The following NRDE2 variants were observed in gnomAD, a reference collection of about 807,000 sequenced individuals.
NRDE2 encodes nuclear exosome regulator NRDE2.
In NRDE2, 76 loss-of-function variants were observed where a neutral mutation model predicts 124.2. The observed-to-expected ratio is 0.61, with a 90% CI of 0.51 to 0.74. NRDE2 has a LOEUF of 0.74. NRDE2 is among the 30% of genes least tolerant of loss of function. NRDE2 has a pLI of 0.00. For missense variants in NRDE2, 1,314 were observed against 1,417.3 expected, an observed-to-expected ratio of 0.93 and a Z score of 1.17; for synonymous variants, 489 against 528.1, an observed-to-expected ratio of 0.93 and a Z score of 1.01.
Position 90,276,336 on chromosome 14 carries a change from A to T in NRDE2, c.*2000T>A, listed in dbSNP as rs1333621745. 1 of 145,878 alleles carries T rather than the reference A, an allele frequency of 6.9e-6. No homozygotes were observed. Among genetic ancestry groups the T allele is most frequent in the Non-Finnish European group, 1.5e-5 (1 of 67,574 alleles). 9.0% of individuals were successfully genotyped at this position (145,878 alleles called of 1,614,324 possible). On this transcript the variant is annotated 3_prime_UTR_variant, in exon 14 of 14. Transcript: ENST00000354366. The stretch of plus-strand genomic sequence containing the variant: ...CAGGTTCACGCCATTCTCCTGCCTT[A>T]GCCTTCCGAGTAGCTGGGACTACAG...
intron 3 of NRDE2, 147 bp downstream of exon 3, chr14:90,316,431 C>T (rs1421010822): frequency 3.3e-6 from 2 of 606,776 alleles, no homozygotes; most frequent in Non-Finnish European, 5.8e-6. Context: ...TAATTTTTCT[C>T]CTTCTCTTTT....
At position 90,329,742 on chromosome 14, in the gene NRDE2, G is replaced by A. The variant is rs536183033; in HGVS notation, c.64+2099C>T. Among the ~76,000 whole-genome samples, 3 of 150,694 alleles carry A rather than the reference G, an allele frequency of 2.0e-5. No individual in the cohort carries two copies. The South Asian group carries it at 6.3e-4, about 32-fold the overall frequency. The stretch of plus-strand genomic sequence containing the variant: ...AATCCAAGCTACTCGGGAGACTGAG[G>A]CACAAGAATCACTTGAAGCCAGGAG... On this transcript the variant is annotated intron_variant, in intron 1 of 13. Transcript: ENST00000354366.
intron 12 of NRDE2, among the ~76,000 whole-genome samples, chr14:90,282,332 C>T (rs1891975109): frequency 6.6e-6 from 1 of 151,886 alleles, no homozygotes; most frequent in African/African-American, 2.4e-5. Context: ...AAAAAACAGC[C>T]AGGCATGGTC....
At position 90,298,341 on chromosome 14, in the gene NRDE2, G is replaced by A. The variant is rs368842771; in HGVS notation, c.1585C>T (p.Arg529Trp). The A allele has an allele frequency of 3.5e-5, 57 of 1,613,526 alleles. No homozygotes were observed. Among genetic ancestry groups the A allele is most frequent in the Middle Eastern group, 1.6e-4 (1 of 6,084 alleles). The change falls in exon 8 of 14, where the codon CGG (arginine) becomes TGG (tryptophan). Residue 529 changes from arginine to tryptophan, a missense_variant. Physicochemically the swap from Arg to Trp is moderately radical, Grantham distance 101 (BLOSUM62 -3). Transcript: ENST00000354366. ...FEPFWDSGEP[R>W]AGEKGARGWK... is the part of the protein sequence containing the mutation. ...CCTCGGGCTCCCTTCTCCCCAGCCC[G>A]GGGCTCTCCACTGTCCCAAAAGGGT...
rs8020828 is a variant in NRDE2, at chr14:90,301,839, C to T, written c.1412-467G>A. The T allele has an allele frequency of 0.31, 140,667 of 455,484 alleles. 22,275 individuals are homozygous for T. Among genetic ancestry groups the T allele is most frequent in the Middle Eastern group, 0.37 (1,139 of 3,066 alleles). 28.2% of individuals were successfully genotyped at this position (455,484 alleles called of 1,614,324 possible). A position where few individuals can be genotyped will look rare whatever the true frequency, so the allele number is the denominator to read the frequency against. On this transcript the variant is annotated intron_variant, in intron 6 of 13. Coordinates refer to ENST00000354366, the MANE Select transcript of NRDE2 (RefSeq NM_017970.4). ...ATCAAGGTTCCATGTCTGAACATTC[C>T]AGTTCATCTTACTTTTGGTACAATT...
chr14:90,294,148 T>A (rs1756454600), intron 8 of NRDE2, among the ~76,000 whole-genome samples: 1 of 151,988 alleles, frequency 6.6e-6, no homozygotes, highest in African/African-American at 2.4e-5. Flanking sequence ...CAACAATTTG[T>A]AGGTATCTCA....
At position 90,302,721 on chromosome 14, in the gene NRDE2, A is replaced by G; in HGVS notation, c.1410T>C (p.Phe470=). Residue 470 remains phenylalanine, a splice_region_variant and synonymous_variant, in exon 6 of 14, where the codon TTT becomes TTC. Transcript: ENST00000354366. ...AACTGGATCTGGTTATCTCCTTACC[A>G]AACATGGCCTCTTCCGTGCCAGGCA... is the stretch of plus-strand genomic sequence containing the variant. The part of the protein sequence containing the change: ...PALPGTEEAM[F]ALFLQQCHFL... 1 of 1,597,464 alleles carries G rather than the reference A, an allele frequency of 6.3e-7. No homozygotes were observed.
rs1445507747 is a variant in NRDE2 at position 90,292,714 on chromosome 14, C to G, written c.1825G>C (p.Glu609Gln). ...KTKKQTEEDC[E>Q]DPERQVLFDD... ...ATACATGCCTGTCTCTCGGGATCCT[C>G]ACAGTCTTCCTCGGTTTGCTTCTTG... The change falls in exon 9 of 14, where the codon GAG (glutamate) becomes CAG (glutamine). Residue 609 changes from glutamate to glutamine, a missense_variant. Coordinates refer to ENST00000354366, the MANE Select transcript of NRDE2 (RefSeq NM_017970.4). 6.2e-7 allele frequency: 1 copy of G among 1,614,064 alleles called. No homozygotes were observed. The highest frequency in any genetic ancestry group is 2.2e-5 in the East Asian group (1 of 44,884).
intron 7 of NRDE2, among the ~76,000 whole-genome samples, chr14:90,300,453 T>G (rs1290546977): frequency 6.6e-6 from 1 of 152,172 alleles, no homozygotes; most frequent in East Asian, 1.9e-4. Context: ...CACCATAAAC[T>G]CATATATTCT....
chr14:90,312,398 C>T lies in NRDE2; in HGVS notation c.553G>A (p.Ala185Thr), dbSNP rs370188454. 6.8e-6 allele frequency: 11 copies of T among 1,613,496 alleles called. No homozygotes were observed. Among genetic ancestry groups the T allele is most frequent in the African/African-American group, 2.7e-5 (2 of 74,908 alleles). Reference protein sequence around the residue: ...EYKSLYRGDIARYKRKGDSCL... With the variant: ...EYKSLYRGDITRYKRKGDSCL... ...GGGGGAAAACAAGGTGACTACCTTGCTATATCCCCTCGGTAGAGAGACTTG... is the reference window on the plus strand; with the variant it reads ...GGGGGAAAACAAGGTGACTACCTTGTTATATCCCCTCGGTAGAGAGACTTG... Residue 185 changes from alanine to threonine, a missense_variant, in exon 4 of 14, where the codon GCA (alanine) becomes ACA (threonine). Coordinates refer to ENST00000354366, the MANE Select transcript of NRDE2 (RefSeq NM_017970.4).
intron 3 of NRDE2, among the ~76,000 whole-genome samples, chr14:90,315,378 G>C (rs1412037099): frequency 1.3e-5 from 2 of 151,764 alleles, no homozygotes; most frequent in African/African-American, 2.4e-5. Flanking sequence ...CTAAAAAAAG[G>C]AAACAAAAAT....
chr14:90,295,704 G>A (rs753128016), intron 8 of NRDE2, among the ~76,000 whole-genome samples: 9 of 152,146 alleles, frequency 5.9e-5, no homozygotes, highest in African/African-American at 1.9e-4. Context: ...CCCTCTCAAC[G>A]CTAACCTTTC....
At chr14:90,320,843 T>G (rs1206835414) in intron 1 of NRDE2, among the ~76,000 whole-genome samples, 1 of 152,198 alleles carries the variant, frequency 6.6e-6, no homozygotes, top group East Asian at 1.9e-4. Context: ...CACCATTTTA[T>G]AGAAGAGGAA....
rs1027074398 is a variant in NRDE2, at chr14:90,272,968, C to T, written c.*5368G>A. ...GGCAGAAAATAACTACTGGTGTTCC[C>T]AAGAGACTGAGGATTCCTAGAGATA... On this transcript the variant is annotated 3_prime_UTR_variant, in exon 14 of 14. Coordinates refer to ENST00000354366, the MANE Select transcript of NRDE2 (RefSeq NM_017970.4). The surrounding 1 kb of genome is among the most constrained non-coding windows in gnomAD (Gnocchi z 4.5). 7 of 152,158 alleles carry T rather than the reference C, an allele frequency of 4.6e-5. No individual in the cohort carries two copies. The highest frequency in any genetic ancestry group is 7.2e-5 in the African/African-American group (3 of 41,426). 9.4% of individuals were successfully genotyped at this position (152,158 alleles called of 1,614,324 possible).
At chr14:90,297,838 G>A (rs1339698187) in intron 8 of NRDE2, among the ~76,000 whole-genome samples, 2 of 151,586 alleles carry the variant, frequency 1.3e-5, no homozygotes, top group East Asian at 1.9e-4. Context: ...CTACTCAGGA[G>A]CCTGACGCAT....
At chr14:90,286,589 C>T in intron 11 of NRDE2, 97 bp from the exon 12 acceptor site, 3 of 1,439,638 alleles carry the variant, frequency 2.1e-6, no homozygotes, top group Non-Finnish European at 2.8e-6. Context: ...TCAGCAACAA[C>T]CAGATCAGAC....
At chr14:90,302,647 G>T (rs911378121) in intron 6 of NRDE2, 73 bp downstream of exon 6, 3 of 1,375,392 alleles carry the variant, frequency 2.2e-6, no homozygotes, top group African/African-American at 2.9e-5. Context: ...ATCAAAAATA[G>T]ATCTTCATTT....
intron 9 of NRDE2, 149 bp from the exon 10 acceptor site, chr14:90,290,756 C>T: frequency 9.8e-7 from 1 of 1,017,962 alleles, no homozygotes; most frequent in South Asian, 1.8e-5. Flanking sequence ...TCTGTTAGCA[C>T]AAGCCAGAGG....
chr14:90,311,743 TAC>T (rs947350796), intron 4 of NRDE2, among the ~76,000 whole-genome samples: 15 of 151,992 alleles, frequency 9.9e-5, no homozygotes, highest in African/African-American at 3.6e-4. Context: ...ACACATAAAA[TAC>T]ACTAATACTA....
Sources: gnomAD v4.1 joint callset for allele counts (sites outside exome capture counted in the v4.1 genomes callset) on GRCh38, gnomAD v4.1.1 for gene constraint, Gnocchi (gnomAD v3.1) non-coding constraint, MANE v1.5 for transcripts, NCBI Gene and HGNC (gene_info 2026-07-23, HGNC 2026-07-21) for gene names.